Variants in INVS observed in about 807,000 individuals in gnomAD.
The protein encoded by INVS is inversion of embryo turning homolog.
INVS carries 86 observed loss-of-function variants against 108.8 expected under a neutral mutation model. That is an observed-to-expected ratio of 0.79 (90% CI 0.66 to 0.95). The LOEUF is 0.95. INVS is among the 40% of genes least tolerant of loss of function. INVS has a pLI of 0.00. For missense variants in INVS, 1,169 were observed against 1,297.4 expected (o/e 0.90, Z 1.52); for synonymous variants, 455 against 473.5 (o/e 0.96, Z 0.51).
intron 12 of INVS, among the ~76,000 whole-genome samples, chr9:100,275,440 G>A (rs1377788053): frequency 6.6e-6 from 1 of 152,202 alleles, no homozygotes; most frequent in Non-Finnish European, 1.5e-5. Context: ...AAGGGAGGCT[G>A]TAGATCTCTA....
chr9:100,105,642 A>G (rs1827147885), intron 2 of INVS, among the ~76,000 whole-genome samples: 1 of 152,076 alleles, frequency 6.6e-6, no homozygotes, highest in African/African-American at 2.4e-5. Flanking sequence ...CACCACCTCC[A>G]AATCACTCAA....
intron 2 of INVS, among the ~76,000 whole-genome samples, chr9:100,106,975 G>A (rs1225269558): frequency 6.6e-6 from 1 of 151,724 alleles, no homozygotes; most frequent in Non-Finnish European, 1.5e-5. Flanking sequence ...ATGAATGGGG[G>A]GCAAATATTG....
intron 2 of INVS, among the ~76,000 whole-genome samples, chr9:100,105,450 T>C (rs1827140943): frequency 6.6e-6 from 1 of 152,180 alleles, no homozygotes; most frequent in Non-Finnish European, 1.5e-5. Context: ...ACTTTCTCCA[T>C]ATGTTCTGTT....
intron 3 of INVS, among the ~76,000 whole-genome samples, chr9:100,177,249 G>A (rs1156773738): frequency 6.6e-6 from 1 of 152,120 alleles, no homozygotes. Flanking sequence ...ATACCCCAGT[G>A]GTGCCTGGGA....
intron 3 of INVS, among the ~76,000 whole-genome samples, chr9:100,156,643 C>A (rs1431723931): frequency 1.3e-5 from 2 of 152,004 alleles, no homozygotes; most frequent in African/African-American, 4.8e-5. Flanking sequence ...GATAGGTTTA[C>A]AAGTTTCAGT....
chr9:100,164,107 A>G (rs1829280563), intron 3 of INVS, among the ~76,000 whole-genome samples: 1 of 152,098 alleles, frequency 6.6e-6, no homozygotes, highest in Admixed American at 6.5e-5. Context: ...ATTTTTTTCT[A>G]ATTTGTTTAT....
intron 3 of INVS, among the ~76,000 whole-genome samples, chr9:100,168,538 G>T (rs945530201): frequency 6.6e-6 from 1 of 152,134 alleles, no homozygotes; most frequent in South Asian, 2.1e-4. Context: ...AATAGCTGTC[G>T]TTGTCATGAG....
chr9:100,213,814 A>C (rs61169610), intron 3 of INVS, among the ~76,000 whole-genome samples: 3,048 of 152,290 alleles, frequency 0.02, 88 homozygotes, highest in African/African-American at 0.07. Flanking sequence ...GTAAGCACTT[A>C]GTAAGCCCAG....
intron 11 of INVS, among the ~76,000 whole-genome samples, chr9:100,270,730 A>G (rs1832926653): frequency 6.8e-6 from 1 of 147,042 alleles, no homozygotes. Context: ...CCTGGGCAAC[A>G]AGAGCAAAAC....
In INVS at chr9:100,297,928, C is replaced by A. The variant is rs764037670; in HGVS notation, c.3017-8C>A. The A allele has an allele frequency of 6.2e-7, 1 of 1,614,076 alleles. No individual in the cohort carries two copies. Among genetic ancestry groups the A allele is most frequent in the South Asian group, 1.1e-5 (1 of 91,058 alleles). On this transcript the variant is annotated splice_region_variant and splice_polypyrimidine_tract_variant and intron_variant, in intron 15 of 16. Transcript: ENST00000262457. ...CAAAGAAAAGTAACAGTTGTTGGTT[C>A]ATTTCAGGTTGTTCTCACGAAGGGA...
chr9:100,166,838 T>C (rs1342113243), intron 3 of INVS, among the ~76,000 whole-genome samples: 1 of 152,190 alleles, frequency 6.6e-6, no homozygotes, highest in African/African-American at 2.4e-5. Context: ...TCCTAACTGG[T>C]CTCCTGGTTT....
chr9:100,280,999 T>C (rs2787381), intron 12 of INVS, among the ~76,000 whole-genome samples: 47,141 of 152,126 alleles, frequency 0.31, 8,456 homozygotes, highest in Non-Finnish European at 0.42. Context: ...CATTCCAGCC[T>C]AGGTGACAGA....
In INVS at chr9:100,211,970, AAC is replaced by A. The variant is rs772806362; in HGVS notation, c.274-14088_274-14087del. Reference sequence around the variant, plus strand: ...AAGTACTTAGAAATTTTAGCAATAAAACACAGAATTAAGCCTTGACAATCAGA... The same window carrying A: ...AAGTACTTAGAAATTTTAGCAATAAAACAGAATTAAGCCTTGACAATCAGA... On this transcript the variant is annotated intron_variant, in intron 3 of 16. Coordinates refer to ENST00000262457, the MANE Select transcript of INVS (RefSeq NM_014425.5). Among the ~76,000 whole-genome samples, 6 of 152,340 alleles carry A rather than the reference AAC, an allele frequency of 3.9e-5. No homozygotes were observed. In the East Asian group the frequency reaches 1.2e-3, roughly 29 times the overall value.
chr9:100,288,704 T>G (rs1833521322), intron 13 of INVS, among the ~76,000 whole-genome samples: 1 of 151,788 alleles, frequency 6.6e-6, no homozygotes, highest in Admixed American at 6.6e-5. Flanking sequence ...CACTGCAACC[T>G]CTGCCTCCCA....
chr9:100,138,527 A>G (rs899924502), intron 3 of INVS, among the ~76,000 whole-genome samples: 36 of 152,216 alleles, frequency 2.4e-4, no homozygotes, highest in African/African-American at 8.7e-4. Context: ...TACTTCAACC[A>G]TTAATGTTTC....
chr9:100,297,794 C>T (rs952211898), intron 15 of INVS, 142 bp from the exon 16 acceptor site: 1 of 796,988 alleles, frequency 1.3e-6, no homozygotes, highest in Non-Finnish European at 2.2e-6. Context: ...TTACCCTGGG[C>T]CTACATGTTT....
intron 3 of INVS, chr9:100,132,045 C>T (rs1828070716): frequency 5.2e-6 from 1 of 191,772 alleles, no homozygotes; most frequent in African/African-American, 2.4e-5. Context: ...TGTATTCCCC[C>T]TCAGTACATA....
At chr9:100,213,621 T>C (rs1246553211) in intron 3 of INVS, among the ~76,000 whole-genome samples, 1 of 152,154 alleles carries the variant, frequency 6.6e-6, no homozygotes, top group African/African-American at 2.4e-5. Flanking sequence ...ATGCTAACAA[T>C]AGATACGAGA....
chr9:100,172,203 C>T (rs1280514011), intron 3 of INVS, among the ~76,000 whole-genome samples: 2 of 152,120 alleles, frequency 1.3e-5, no homozygotes. Context: ...TGGACCCTTA[C>T]TTATGAATCT....
Sources: allele counts gnomAD v4.1 joint callset (sites outside exome capture counted in the v4.1 genomes callset), GRCh38; gene constraint gnomAD v4.1.1; transcripts MANE v1.5; gene names NCBI Gene and HGNC (gene_info 2026-07-23, HGNC 2026-07-21).